Variants in SLC28A2 observed in about 807,000 individuals in gnomAD.
SLC28A2 encodes sodium/nucleoside cotransporter 2.
In SLC28A2, 69 loss-of-function variants were observed where a neutral mutation model predicts 72.9. That is an observed-to-expected ratio of 0.95 (90% confidence interval 0.78 to 1.16). The LOEUF (loss-of-function observed/expected upper bound fraction) is 1.16, where lower values mean the gene tolerates loss of function less well. Ranked by LOEUF, SLC28A2 falls within the 50% of genes most tolerant of loss-of-function variation. The pLI is 0.00. For missense variants in SLC28A2, 745 were observed against 791.1 expected (o/e 0.94, Z 0.70); for synonymous variants, 296 against 294.1 (o/e 1.01, Z -0.07).
chr15:45,258,773 A>G (rs1900057881), intron 3 of SLC28A2, among the ~76,000 whole-genome samples: 2 of 152,148 alleles, frequency 1.3e-5, no homozygotes, highest in East Asian at 1.9e-4. Context: ...AGTAGTTTCT[A>G]TGCTTTTGCT....
chr15:45,267,715 C>T lies in SLC28A2; in HGVS notation c.1118C>T (p.Ala373Val). Residue 373 changes from alanine to valine, a missense_variant, in exon 12 of 18, where the codon GCT becomes GTT. Coordinates refer to ENST00000347644, the MANE Select transcript of SLC28A2 (RefSeq NM_004212.4). Reference protein sequence around the residue: ...ISASVMAAPCALASSKLAYPE... With the variant: ...ISASVMAAPCVLASSKLAYPE... Reference sequence around the variant, plus strand: ...GCCTCTGTGATGGCCGCCCCTTGTGCTCTCGCCTCATCAAAGCTAGCGTAT... The same window carrying T: ...GCCTCTGTGATGGCCGCCCCTTGTGTTCTCGCCTCATCAAAGCTAGCGTAT... 6.2e-7 allele frequency: 1 copy of T among 1,614,080 alleles called. No individual in the cohort carries two copies. Among genetic ancestry groups the T allele is most frequent in the Non-Finnish European group, 8.5e-7 (1 of 1,180,006 alleles).
rs17215605 is a variant in SLC28A2 at position 45,264,954 on chromosome 15, C to G, written c.703-135C>G. 0.048 allele frequency: 37,469 copies of G among 779,554 alleles called. 8,345 individuals are homozygous for G. In the African/African-American group the frequency reaches 0.52, roughly 11 times the overall value. The allele number at this position is 779,554 out of a possible 1,614,324, so 48.3% of individuals were successfully genotyped here. ...AAAGAGCTCATGGGGACATAGCCTGCCCCTGGGCTGTCAAAGGGAGGCCAA... is the reference window on the plus strand; with the variant it reads ...AAAGAGCTCATGGGGACATAGCCTGGCCCTGGGCTGTCAAAGGGAGGCCAA... On this transcript the variant is annotated intron_variant, in intron 7 of 17. Coordinates refer to ENST00000347644, the MANE Select transcript of SLC28A2 (RefSeq NM_004212.4).
chr15:45,268,182 A>C, intron 12 of SLC28A2, 28 bp from the exon 13 acceptor site: 2 of 1,582,480 alleles, frequency 1.3e-6, no homozygotes, highest in Non-Finnish European at 1.7e-6. Context: ...TAGACACCCT[A>C]CTCTTGCCCT....
chr15:45,264,759 G>C lies in SLC28A2; in HGVS notation c.693G>C (p.Glu231Asp). The part of the protein sequence containing the change: ...LGYTVFQWLG[E>D]QVQIFLNYTV... The stretch of plus-strand genomic sequence containing the variant: ...ATACTGTATTTCAGTGGCTGGGAGA[G>C]CAGGTCCAGGTATGAGAAATTAAAT... The change falls in exon 7 of 18, where the codon GAG (glutamate) becomes GAC (aspartate). Residue 231 changes from glutamate (E) to aspartate (D), a missense_variant. Physicochemically the swap from Glu to Asp is conservative, Grantham distance 45 (BLOSUM62 2). Coordinates refer to ENST00000347644, the MANE Select transcript of SLC28A2 (RefSeq NM_004212.4). 6.2e-7 allele frequency: 1 copy of C among 1,601,428 alleles called. No homozygotes were observed. The highest frequency in any genetic ancestry group is 8.6e-7 in the Non-Finnish European group (1 of 1,168,448).
At chr15:45,260,862 TTCC>T (rs1269371786) in intron 3 of SLC28A2, among the ~76,000 whole-genome samples, 2 of 152,212 alleles carry the variant, frequency 1.3e-5, no homozygotes, top group Admixed American at 6.5e-5. Flanking sequence ...TAAGCATTGT[TTCC>T]TCCTTTCTCA....
intron 16 of SLC28A2, 131 bp downstream of exon 16, chr15:45,272,524 C>A: frequency 1.2e-6 from 1 of 837,036 alleles, no homozygotes; most frequent in Admixed American, 2.3e-5. Flanking sequence ...GACAGGCTGT[C>A]TTTCAGAATA....
chr15:45,270,142 G>A (rs1467858303), intron 14 of SLC28A2, 53 bp from the exon 15 acceptor site: 1 of 1,205,534 alleles, frequency 8.3e-7, no homozygotes, highest in Non-Finnish European at 1.2e-6. Flanking sequence ...GTGATTATAA[G>A]ACCGCACGCA....
chr15:45,268,206 A>G lies in SLC28A2; in HGVS notation c.1200-4A>G. 1 of 1,596,500 alleles carries G rather than the reference A, an allele frequency of 6.3e-7. No homozygotes were observed. Among genetic ancestry groups the G allele is most frequent in the Non-Finnish European group, 8.6e-7 (1 of 1,165,566 alleles). ...TACTCTTGCCCTCTGCCCAATAACC[A>G]CAGGAAGGAGAGGAATGTCCTGGAA... is the stretch of plus-strand genomic sequence containing the variant. On this transcript the variant is annotated splice_polypyrimidine_tract_variant and splice_region_variant and intron_variant, in intron 12 of 17. Transcript: ENST00000347644.
intron 10 of SLC28A2, 148 bp from the exon 11 acceptor site, chr15:45,267,307 G>C: frequency 2.4e-6 from 2 of 833,902 alleles, no homozygotes; most frequent in South Asian, 3.2e-5. Flanking sequence ...CGGGCTCCGT[G>C]CTCACTAAGT....
intron 12 of SLC28A2, 73 bp from the exon 13 acceptor site, chr15:45,268,137 T>G (rs1900405281): frequency 1.4e-6 from 2 of 1,436,394 alleles, no homozygotes. Context: ...ATAGGGACAG[T>G]GGGATTTCTC....
At chr15:45,254,962 G>C (rs916526952) in intron 3 of SLC28A2, among the ~76,000 whole-genome samples, 2 of 152,086 alleles carry the variant, frequency 1.3e-5, no homozygotes, top group Admixed American at 6.6e-5. Flanking sequence ...AAATGTTTAA[G>C]AATTGACTCT....
Position 45,265,655 on chromosome 15 carries a change from G to A in SLC28A2, c.853G>A (p.Val285Ile), listed in dbSNP as rs762760823. The A allele has an allele frequency of 1.1e-5, 18 of 1,608,342 alleles. No individual in the cohort carries two copies. The highest frequency in any genetic ancestry group is 1.5e-5 in the Non-Finnish European group (18 of 1,174,816). Residue 285 changes from valine (V) to isoleucine (I), a missense_variant, in exon 9 of 18, where the codon GTT (valine) becomes ATT (isoleucine). Coordinates refer to ENST00000347644, the MANE Select transcript of SLC28A2 (RefSeq NM_004212.4). ...CTACCTGGGCCTTGTGCAATGGGTA[G>A]TTCAGAAGGTGAGTCGTTCTCTTAC... The part of the protein sequence containing the change: ...LYYLGLVQWV[V>I]QKVAWFLQIT...
chr15:45,259,777 C>G (rs938266392), intron 3 of SLC28A2, among the ~76,000 whole-genome samples: 3 of 152,134 alleles, frequency 2.0e-5, no homozygotes, highest in African/African-American at 7.2e-5. Flanking sequence ...CTAATAAAGA[C>G]AGGTAAACAG....
chr15:45,270,036 G>T (rs1195110670), intron 14 of SLC28A2, among the ~76,000 whole-genome samples, 159 bp from the exon 15 acceptor site: 1 of 152,148 alleles, frequency 6.6e-6, no homozygotes, highest in East Asian at 1.9e-4. Context: ...TATCCCTATA[G>T]TAACTCAGGG....
rs1471776917 is a variant in SLC28A2, at chr15:45,275,448, A to G, written c.1912A>G (p.Lys638Glu). The G allele has an allele frequency of 6.2e-7, 1 of 1,613,920 alleles. No homozygotes were observed. Among genetic ancestry groups the G allele is most frequent in the African/African-American group, 1.3e-5 (1 of 75,036 alleles). ...TTCTTTTTCTGGTCCCTGGGAAGATAAGGAGTTCAGTGCTATGGCCCTTAC... is the reference window on the plus strand; with the variant it reads ...TTCTTTTTCTGGTCCCTGGGAAGATGAGGAGTTCAGTGCTATGGCCCTTAC... ...PPSFSGPWED[K>E]EFSAMALTNC... The change falls in exon 18 of 18, where the codon AAG becomes GAG. Residue 638 changes from lysine (K) to glutamate (E), a missense_variant. Physicochemically the swap from Lys to Glu is moderately conservative, Grantham distance 56 (BLOSUM62 1). Coordinates refer to ENST00000347644, the MANE Select transcript of SLC28A2 (RefSeq NM_004212.4).
chr15:45,269,216 C>T, intron 13 of SLC28A2, 122 bp from the exon 14 acceptor site: 1 of 752,694 alleles, frequency 1.3e-6, no homozygotes, highest in South Asian at 1.7e-5. Flanking sequence ...CCACAGTAAG[C>T]CAAGAGAGAG....
intron 2 of SLC28A2, 56 bp downstream of exon 2, chr15:45,253,352 G>A: frequency 6.4e-7 from 1 of 1,556,852 alleles, no homozygotes; most frequent in Non-Finnish European, 8.9e-7. Context: ...ATGGGCTCCT[G>A]TAGGGTATTT....
chr15:45,263,122 T>C lies in SLC28A2; in HGVS notation c.324T>C (p.Phe108=). Residue 108 remains phenylalanine (F), a synonymous_variant, in exon 5 of 18, where the codon TTT becomes TTC. Transcript: ENST00000347644. ...ATTTCCAGAGGGCACTGGCCTTGTT[T>C]GTCATCACCTGCTTGGTGATCTTTG... is the stretch of plus-strand genomic sequence containing the variant. ...ILNFQRALAL[F]VITCLVIFVL... is the part of the protein sequence containing the mutation. 1 of 1,614,058 alleles carries C rather than the reference T, an allele frequency of 6.2e-7. No homozygotes were observed. Among genetic ancestry groups the C allele is most frequent in the South Asian group, 1.1e-5 (1 of 91,078 alleles).
chr15:45,275,721 G>A lies in SLC28A2; in HGVS notation c.*208G>A. ...GAGGCCGAGGCGGGCGGATCACAAG[G>A]TCAGGAGATCGAGACCATCCTGGCT... On this transcript the variant is annotated 3_prime_UTR_variant, in exon 18 of 18. Transcript: ENST00000347644. 1 of 458,338 alleles carries A rather than the reference G, an allele frequency of 2.2e-6. No homozygotes were observed. The highest frequency in any genetic ancestry group is 2.6e-5 in the South Asian group (1 of 37,944). The allele number at this position is 458,338 out of a possible 1,614,324, so 28.4% of individuals were successfully genotyped here.
Sources: allele counts gnomAD v4.1 joint callset (sites outside exome capture counted in the v4.1 genomes callset), GRCh38; gene constraint gnomAD v4.1.1; transcripts MANE v1.5; gene names NCBI Gene and HGNC (gene_info 2026-07-23, HGNC 2026-07-21).